The following BCAS3 variants were observed in gnomAD, a reference collection of about 807,000 sequenced individuals.
BCAS3 encodes BCAS3 microtubule associated cell migration factor.
BCAS3 carries 53 observed loss-of-function variants against 116.1 expected under a neutral mutation model. The observed-to-expected ratio is 0.46, with a 90% CI of 0.37 to 0.57. The LOEUF (loss-of-function observed/expected upper bound fraction) is 0.57, where lower values mean the gene tolerates loss of function less well. Among genes scored for constraint, BCAS3 ranks in the 20% least tolerant of loss-of-function variants. The pLI is 0.00. For synonymous variants in BCAS3, 391 were observed against 408.2 expected (o/e 0.96, Z 0.51); for missense variants, 917 against 1,165.4 (o/e 0.79, Z 3.10).
At chr17:61,038,444 G>A (rs187142697) in intron 18 of BCAS3, among the ~76,000 whole-genome samples, 18 of 151,614 alleles carry the variant, frequency 1.2e-4, no homozygotes, top group Admixed American at 7.2e-4. Flanking sequence ...TATTAGAGAC[G>A]GAGTTTCACC....
At chr17:60,738,015 G>C (rs2041151582) in intron 5 of BCAS3, among the ~76,000 whole-genome samples, 1 of 152,166 alleles carries the variant, frequency 6.6e-6, no homozygotes, top group South Asian at 2.1e-4. Flanking sequence ...TCAAACTCCT[G>C]ATCTCAGGTG....
intron 13 of BCAS3, among the ~76,000 whole-genome samples, chr17:60,942,890 A>G (rs1226844544): frequency 6.6e-6 from 1 of 152,190 alleles, no homozygotes; most frequent in Non-Finnish European, 1.5e-5. Context: ...CATAGAAAAC[A>G]TTTATGAAAC....
intron 14 of BCAS3, among the ~76,000 whole-genome samples, chr17:60,970,199 G>A (rs1371305838): frequency 6.6e-6 from 1 of 152,140 alleles, no homozygotes; most frequent in Non-Finnish European, 1.5e-5. Context: ...GAGGGTGCTA[G>A]GGTGGAGGCA....
At chr17:61,062,750 A>C (rs989126380) in intron 19 of BCAS3, among the ~76,000 whole-genome samples, 1 of 152,240 alleles carries the variant, frequency 6.6e-6, no homozygotes, top group African/African-American at 2.4e-5. Context: ...TCCATCCTAA[A>C]AACTGAAGGT....
At chr17:61,016,506 A>G (rs1036224077) in intron 16 of BCAS3, among the ~76,000 whole-genome samples, 2 of 152,166 alleles carry the variant, frequency 1.3e-5, no homozygotes, top group African/African-American at 4.8e-5. Flanking sequence ...GCAATTTGCT[A>G]CCCCTTAGGA....
Position 61,098,456 on chromosome 17 carries a change from T to C in BCAS3, c.2425+13892T>C, listed in dbSNP as rs1430339575. On this transcript the variant is annotated intron_variant, in intron 22 of 23. Coordinates refer to ENST00000407086, the MANE Select transcript of BCAS3 (RefSeq NM_017679.5). The surrounding 1 kb of genome is among the most constrained non-coding windows in gnomAD (Gnocchi z 4.2). ...TGATATTTTGCCAAAGTTGTGACTTTAATATTCTGTGGCTTGTAATTGTGA... is the reference window on the plus strand; with the variant it reads ...TGATATTTTGCCAAAGTTGTGACTTCAATATTCTGTGGCTTGTAATTGTGA... Among the ~76,000 whole-genome samples, 3 of 152,338 alleles carry C rather than the reference T, an allele frequency of 2.0e-5. No homozygotes were observed. Among genetic ancestry groups the C allele is most frequent in the Non-Finnish European group, 4.4e-5 (3 of 68,034 alleles).
Position 61,251,345 on chromosome 17 carries a change from G to C in BCAS3, c.2426-116982G>C, listed in dbSNP as rs2048352318. Among the ~76,000 whole-genome samples, 1 of 152,164 alleles carries C rather than the reference G, an allele frequency of 6.6e-6. No homozygotes were observed. Among genetic ancestry groups the C allele is most frequent in the East Asian group, 1.9e-4 (1 of 5,180 alleles). On this transcript the variant is annotated intron_variant, in intron 22 of 23. Transcript: ENST00000407086. The surrounding 1 kb of genome is among the most constrained non-coding windows in gnomAD (Gnocchi z 4.7). ...AGCACTCTGGGAGGCTGAGGCGGGCGGATCACCTGAGGTCAGAGTTTGAGA... is the reference window on the plus strand; with the variant it reads ...AGCACTCTGGGAGGCTGAGGCGGGCCGATCACCTGAGGTCAGAGTTTGAGA...
In BCAS3 at chr17:60,947,237, C is replaced by A; in HGVS notation, c.1106C>A (p.Thr369Lys). Residue 369 changes from threonine (T) to lysine (K), a missense_variant, in exon 14 of 24, where the codon ACA (threonine) becomes AAA (lysine). This residue lies in a region of BCAS3 where 807 missense variants were observed against 1,026.0 expected (regional missense o/e 0.79). Transcript: ENST00000407086. ...FNTSGMLLVT[T>K]DTLGHDFHVF... ...CTTCCAGGAATGCTTCTAGTCACAA[C>A]AGACACCCTTGGCCATGACTTTCAT... The A allele has an allele frequency of 6.2e-7, 1 of 1,612,758 alleles. No homozygotes were observed. Among genetic ancestry groups the A allele is most frequent in the Non-Finnish European group, 8.5e-7 (1 of 1,179,018 alleles).
intron 4 of BCAS3, among the ~76,000 whole-genome samples, chr17:60,694,256 A>C (rs1234803281): frequency 6.7e-6 from 1 of 149,308 alleles, no homozygotes; most frequent in Non-Finnish European, 1.5e-5. Context: ...TAATCCCAAC[A>C]CTTTGGGAGG....
At chr17:60,866,153 CAG>C (rs2054574686) in intron 7 of BCAS3, among the ~76,000 whole-genome samples, 1 of 147,278 alleles carries the variant, frequency 6.8e-6, no homozygotes, top group Non-Finnish European at 1.5e-5. Context: ...TTTTTTGAGA[CAG>C]AGTTTCACTG....
At chr17:60,765,219 A>C (rs8066597) in intron 6 of BCAS3, among the ~76,000 whole-genome samples, 2 of 151,990 alleles carry the variant, frequency 1.3e-5, no homozygotes, top group Non-Finnish European at 2.9e-5. Context: ...ATGTGTGAAT[A>C]TGATCCTGTC....
chr17:60,745,608 A>G (rs935020956), intron 5 of BCAS3, among the ~76,000 whole-genome samples: 3 of 152,210 alleles, frequency 2.0e-5, no homozygotes, highest in Non-Finnish European at 4.4e-5. Flanking sequence ...GTGGACTATA[A>G]TGGCCATGGT....
rs567856720 is a variant in BCAS3 at position 60,817,324 on chromosome 17, A to G, written c.476+9248A>G. Among the ~76,000 whole-genome samples the G allele has an allele frequency of 1.1e-4, 17 of 152,286 alleles. No individual in the cohort carries two copies. The East Asian group carries it at 2.9e-3, about 26-fold the overall frequency. ...TAATGTGAGAGAGGGAGGAAACCAA[A>G]GTTTATTGTGTGTTATATGCTAAAC... On this transcript the variant is annotated intron_variant, in intron 7 of 23. Coordinates refer to ENST00000407086, the MANE Select transcript of BCAS3 (RefSeq NM_017679.5).
At chr17:61,373,634 G>A (rs1386768447) in intron 23 of BCAS3, among the ~76,000 whole-genome samples, 2 of 147,846 alleles carry the variant, frequency 1.4e-5, no homozygotes, top group African/African-American at 5.0e-5. Context: ...TTTTAGTAGA[G>A]ACGAGGTTTC....
chr17:61,116,214 G>T (rs868676423), intron 22 of BCAS3, among the ~76,000 whole-genome samples: 5 of 151,362 alleles, frequency 3.3e-5, no homozygotes, highest in South Asian at 2.1e-4. Context: ...CACAATGTGC[G>T]CATGTACCCT....
rs1024983830 is a variant in BCAS3 at position 61,196,170 on chromosome 17, A to C, written c.2425+111606A>C. On this transcript the variant is annotated intron_variant, in intron 22 of 23. Coordinates refer to ENST00000407086, the MANE Select transcript of BCAS3 (RefSeq NM_017679.5). This position sits in a 1 kb window ranked among gnomAD's most constrained non-coding sequence, Gnocchi z 4.7. ...TCTTGCTCTGACCCTATCTGAAATC[A>C]GTGTAGTCTGAACTACTAGAGAGAC... Among the ~76,000 whole-genome samples, 2 of 152,202 alleles carry C rather than the reference A, an allele frequency of 1.3e-5. No individual in the cohort carries two copies. Among genetic ancestry groups the C allele is most frequent in the Non-Finnish European group, 2.9e-5 (2 of 68,030 alleles).
chr17:60,736,659 A>AT (rs1424786708), intron 5 of BCAS3, among the ~76,000 whole-genome samples: 3 of 152,026 alleles, frequency 2.0e-5, no homozygotes, highest in Non-Finnish European at 4.4e-5. Flanking sequence ...GGTGCTTTCT[A>AT]TTTTGGAAGG....
intron 8 of BCAS3, among the ~76,000 whole-genome samples, chr17:60,871,006 G>C (rs1599316375): frequency 1.3e-5 from 2 of 152,144 alleles, no homozygotes; most frequent in Admixed American, 1.3e-4. Context: ...TATTAGTTTT[G>C]ATAATTTATC....
rs75983934 is a variant in BCAS3 at position 60,942,887 on chromosome 17, A to G, written c.1088-4332A>G. Among the ~76,000 whole-genome samples, 585 of 152,324 alleles carry G rather than the reference A, an allele frequency of 3.8e-3. 4 individuals carry two copies. Among genetic ancestry groups the G allele is most frequent in the East Asian group, 0.018 (96 of 5,192 alleles). On this transcript the variant is annotated intron_variant, in intron 13 of 23. Coordinates refer to ENST00000407086, the MANE Select transcript of BCAS3 (RefSeq NM_017679.5). The stretch of plus-strand genomic sequence containing the variant: ...CGTAGAAACCATCCTTCCCATAGAA[A>G]ACATTTATGAAACCTGGACAAAATA...
Sources: allele counts gnomAD v4.1 joint callset (sites outside exome capture counted in the v4.1 genomes callset), GRCh38; gene constraint gnomAD v4.1.1; regional missense constraint gnomAD v4.1.1; non-coding constraint Gnocchi (gnomAD v3.1); transcripts MANE v1.5; gene names NCBI Gene and HGNC (gene_info 2026-07-23, HGNC 2026-07-21).